ENPEP: variants seen among roughly 807,000 people sequenced by gnomAD.
The protein encoded by ENPEP is glutamyl aminopeptidase.
In ENPEP, 103 loss-of-function variants were observed where a neutral mutation model predicts 114.5. The observed-to-expected ratio is 0.90, with a 90% CI of 0.77 to 1.06. The LOEUF (loss-of-function observed/expected upper bound fraction) is 1.06, where lower values mean the gene tolerates loss of function less well. ENPEP is among the 50% of genes least tolerant of loss of function. The probability of loss-of-function intolerance (pLI) is 0.00; values close to 1 mark genes in which losing one functional copy is unlikely to be tolerated. For synonymous variants in ENPEP, 420 were observed against 422.0 expected, an observed-to-expected ratio of 1.00 and a Z score of 0.06; for missense variants, 1,196 against 1,161.3, an observed-to-expected ratio of 1.03 and a Z score of -0.43.
At chr4:110,556,202 A>G (rs1727462244) in intron 18 of ENPEP, among the ~76,000 whole-genome samples, 1 of 151,880 alleles carries the variant, frequency 6.6e-6, no homozygotes, top group African/African-American at 2.4e-5. Flanking sequence ...TTATTGTGAA[A>G]CTGGTATGTG....
At position 110,564,662 on chromosome 4, in the gene ENPEP, C is replaced by T. The variant is rs1323129670; in HGVS notation, c.*3104C>T. The T allele has an allele frequency of 6.6e-6, 1 of 152,116 alleles. No homozygotes were observed. The highest frequency in any genetic ancestry group is 2.4e-5 in the African/African-American group (1 of 41,414). The allele number at this position is 152,116 out of a possible 1,614,324, so 9.4% of individuals were successfully genotyped here. Reference sequence around the variant, plus strand: ...CACTAAGGGTAGGCTATGTGTTAGCCTGTGTTATTGTTCATAAATAGTAAT... The same window carrying T: ...CACTAAGGGTAGGCTATGTGTTAGCTTGTGTTATTGTTCATAAATAGTAAT... On this transcript the variant is annotated 3_prime_UTR_variant, in exon 20 of 20. Transcript: ENST00000265162.
chr4:110,482,781 G>A (rs184670983), intron 1 of ENPEP, among the ~76,000 whole-genome samples: 418 of 152,282 alleles, frequency 2.7e-3, no homozygotes, highest in Non-Finnish European at 4.2e-3. Context: ...GGCTGAGGTG[G>A]GCGGATCACC....
At position 110,559,744 on chromosome 4, in the gene ENPEP, C is replaced by T; in HGVS notation, c.2721+19C>T. ...GTGGCAGGTATGAAGATAAATTCCT[C>T]TGCATTTGTCCAAGAAGGAGCAGAA... On this transcript the variant is annotated intron_variant, in intron 19 of 19. Coordinates refer to ENST00000265162, the MANE Select transcript of ENPEP (RefSeq NM_001977.4). 1 of 1,592,378 alleles carries T rather than the reference C, an allele frequency of 6.3e-7. No individual in the cohort carries two copies. The highest frequency in any genetic ancestry group is 1.7e-5 in the Admixed American group (1 of 59,488).
chr4:110,515,844 C>T (rs187079928), intron 8 of ENPEP: 3 of 455,922 alleles, frequency 6.6e-6, no homozygotes, highest in East Asian at 6.9e-5. Context: ...GCCTCTCTTC[C>T]GGGCTTGCAG....
intron 11 of ENPEP, among the ~76,000 whole-genome samples, chr4:110,536,582 AAAC>A (rs932502202): frequency 1.3e-5 from 2 of 152,210 alleles, no homozygotes; most frequent in Admixed American, 6.5e-5. Flanking sequence ...ACTGTGTGGT[AAAC>A]AACTAGTAGG....
At chr4:110,543,216 C>T (rs1726920768) in intron 13 of ENPEP, 146 bp downstream of exon 13, 1 of 800,040 alleles carries the variant, frequency 1.2e-6, no homozygotes, top group Non-Finnish European at 2.0e-6. Flanking sequence ...TTTTCCTTAA[C>T]TCTCTTTTCA....
intron 14 of ENPEP, 49 bp from the exon 15 acceptor site, chr4:110,549,297 C>T: frequency 1.4e-6 from 2 of 1,437,624 alleles, no homozygotes; most frequent in South Asian, 1.1e-5. Flanking sequence ...TGGGATACTA[C>T]TGATATGTAG....
At chr4:110,558,062 T>C in intron 18 of ENPEP, among the ~76,000 whole-genome samples, 1 of 46,718 alleles carries the variant, frequency 2.1e-5, no homozygotes, top group Non-Finnish European at 4.1e-5. Context: ...AAAACTCTTT[T>C]GTTACCCAGA....
chr4:110,561,325 CA>C (rs1437307046), intron 19 of ENPEP, 80 bp from the exon 20 acceptor site: 1 of 1,471,500 alleles, frequency 6.8e-7, no homozygotes, highest in Non-Finnish European at 9.4e-7. Context: ...AAGAAGAAAG[CA>C]AATCCAGTTT....
At chr4:110,487,323 A>G (rs1469793940) in intron 1 of ENPEP, among the ~76,000 whole-genome samples, 2 of 152,214 alleles carry the variant, frequency 1.3e-5, no homozygotes, top group Admixed American at 6.5e-5. Flanking sequence ...TCAAACCATA[A>G]ACTGAATTCC....
chr4:110,515,854 G>A (rs1266303389), intron 8 of ENPEP: 3 of 455,616 alleles, frequency 6.6e-6, no homozygotes, highest in South Asian at 1.6e-5. Context: ...CGGGCTTGCA[G>A]ATGGTAGACT....
At chr4:110,561,317 G>T (rs1727669075) in intron 19 of ENPEP, 89 bp from the exon 20 acceptor site, 10 of 1,412,214 alleles carry the variant, frequency 7.1e-6, no homozygotes, top group Non-Finnish European at 9.9e-6. Flanking sequence ...TTCTAGGTAA[G>T]AAGAAAGCAA....
At chr4:110,523,484 C>G (rs1162537255) in intron 10 of ENPEP, among the ~76,000 whole-genome samples, 2 of 152,050 alleles carry the variant, frequency 1.3e-5, no homozygotes, top group Non-Finnish European at 2.9e-5. Flanking sequence ...TAAGAAAAGG[C>G]TCTGATATTA....
chr4:110,496,217 A>G (rs541644037), intron 3 of ENPEP, among the ~76,000 whole-genome samples: 22 of 152,270 alleles, frequency 1.4e-4, no homozygotes, highest in African/African-American at 5.1e-4. Context: ...TATATATGCC[A>G]TGGATTTTTA....
chr4:110,498,409 A>T (rs530775741), intron 3 of ENPEP, among the ~76,000 whole-genome samples: 1 of 152,284 alleles, frequency 6.6e-6, no homozygotes, highest in African/African-American at 2.4e-5. Context: ...CAGCAGTGAA[A>T]AGTCAGGCTG....
chr4:110,481,257 C>CTT (rs202184440), intron 1 of ENPEP, among the ~76,000 whole-genome samples: 1 of 144,328 alleles, frequency 6.9e-6, no homozygotes, highest in African/African-American at 2.5e-5. Flanking sequence ...TTTTCAGAGA[C>CTT]TTTTTTTTTT....
intron 13 of ENPEP, among the ~76,000 whole-genome samples, chr4:110,545,988 C>T (rs929023803): frequency 3.9e-5 from 6 of 151,988 alleles, no homozygotes; most frequent in African/African-American, 1.4e-4. Flanking sequence ...CACAGGTAAA[C>T]CTCTTCAAGT....
intron 8 of ENPEP, among the ~76,000 whole-genome samples, chr4:110,518,183 C>T (rs1725853192): frequency 1.3e-5 from 2 of 152,160 alleles, no homozygotes; most frequent in Non-Finnish European, 2.9e-5. Context: ...AAATTATCAA[C>T]TGGAAAATCT....
chr4:110,493,643 G>A (rs765827739), intron 3 of ENPEP, among the ~76,000 whole-genome samples: 3 of 152,162 alleles, frequency 2.0e-5, no homozygotes, highest in Non-Finnish European at 2.9e-5. Flanking sequence ...GGCATCTAGT[G>A]TGAATGCAAA....
Sources: allele counts gnomAD v4.1 joint callset (sites outside exome capture counted in the v4.1 genomes callset), GRCh38; gene constraint gnomAD v4.1.1; transcripts MANE v1.5; gene names NCBI Gene and HGNC (gene_info 2026-07-23, HGNC 2026-07-21).